RNF7: variants seen among roughly 807,000 people sequenced by gnomAD.
RNF7 encodes the protein RING-box protein 2.
Under a neutral mutation model 17.0 loss-of-function variants are expected in RNF7, and 9 were observed. The observed-to-expected ratio is 0.53, with a 90% CI of 0.32 to 0.92. RNF7 has a LOEUF of 0.92. Ranked by LOEUF, RNF7 falls within the 40% of genes least tolerant of loss-of-function variation. The pLI, the probability that RNF7 is intolerant of heterozygous loss-of-function variation, is 0.04. For synonymous variants in RNF7, 59 were observed against 50.5 expected (o/e 1.17, Z -0.72); for missense variants, 87 against 145.8 (o/e 0.60, Z 2.08).
chr3:141,744,961 G>T (rs17195449), intron 2 of RNF7, among the ~76,000 whole-genome samples, 198 bp from the exon 3 acceptor site: 7,665 of 152,160 alleles, frequency 0.05, 258 homozygotes, highest in South Asian at 0.13. Flanking sequence ...TGATGGAAAG[G>T]CTCTCAAACA....
At chr3:141,741,789 G>A (rs2084420082) in intron 1 of RNF7, among the ~76,000 whole-genome samples, 1 of 151,532 alleles carries the variant, frequency 6.6e-6, no homozygotes, top group African/African-American at 2.4e-5. Flanking sequence ...TAAGCTCACT[G>A]GGCATGCTCA....
At chr3:141,743,662 CTG>C in intron 2 of RNF7, 106 bp downstream of exon 2, 4 of 828,890 alleles carry the variant, frequency 4.8e-6, no homozygotes, top group Non-Finnish European at 5.9e-6. Flanking sequence ...CAAAAATAAA[CTG>C]TAAAGCAGTG....
In RNF7 at chr3:141,741,395, T is replaced by G. The variant is rs542965849; in HGVS notation, c.176-2114T>G. 6.8e-4 allele frequency among the ~76,000 whole-genome samples: 103 copies of G among 152,306 alleles called. 1 individual carries two copies. The highest frequency in any genetic ancestry group is 6.8e-3 in the Middle Eastern group (2 of 294). On this transcript the variant is annotated intron_variant, in intron 1 of 2. Coordinates refer to ENST00000273480, the MANE Select transcript of RNF7 (RefSeq NM_014245.5). ...TGAAGAAAACCTCAGGAGGCAGTGG[T>G]TGTTTTTAATCCACACTGAAGAGAC...
chr3:141,744,051 TAGG>T (rs1445398284), intron 2 of RNF7, among the ~76,000 whole-genome samples: 67 of 152,328 alleles, frequency 4.4e-4, no homozygotes, highest in African/African-American at 1.5e-3. Flanking sequence ...AAAGTTGTCG[TAGG>T]CTAAATATTT....
chr3:141,740,644 T>C (rs1193765737), intron 1 of RNF7, among the ~76,000 whole-genome samples: 3 of 152,214 alleles, frequency 2.0e-5, no homozygotes, highest in Admixed American at 6.5e-5. Flanking sequence ...TTTTCCAGAC[T>C]TCCTAGTCCT....
At chr3:141,741,546 T>C (rs1175754508) in intron 1 of RNF7, among the ~76,000 whole-genome samples, 1 of 152,240 alleles carries the variant, frequency 6.6e-6, no homozygotes, top group Non-Finnish European at 1.5e-5. Context: ...TACAGAATTA[T>C]TTTTCTCCTA....
chr3:141,743,005 T>G lies in RNF7; in HGVS notation c.176-504T>G, dbSNP rs6769676. ...TCATATAGTTCAGAAATTGAGGAAG[T>G]TATGTATATTACCTGGAAGAGTGAA... On this transcript the variant is annotated intron_variant, in intron 1 of 2. Transcript: ENST00000273480. The G allele has an allele frequency of 0.29, 195,279 of 667,622 alleles. 33,734 individuals are homozygous for G. Among genetic ancestry groups the G allele is most frequent in the African/African-American group, 0.73 (37,064 of 51,008 alleles). 41.4% of individuals were successfully genotyped at this position (667,622 alleles called of 1,614,324 possible). A position where few individuals can be genotyped will look rare whatever the true frequency, so the allele number is the denominator to read the frequency against.
intron 1 of RNF7, among the ~76,000 whole-genome samples, chr3:141,742,383 C>T (rs1382775599): frequency 1.3e-5 from 2 of 151,902 alleles, no homozygotes; most frequent in Non-Finnish European, 2.9e-5. Flanking sequence ...CCCACCACCA[C>T]GCCCGGCTAA....
chr3:141,745,506 C>A lies in RNF7; in HGVS notation c.*229C>A, dbSNP rs1471887806. ...ATTTATTAAAGGTGGTCCTTCCTACCTCTGTGGTGTGTGTCGCGCACACAG... is the reference window on the plus strand; with the variant it reads ...ATTTATTAAAGGTGGTCCTTCCTACATCTGTGGTGTGTGTCGCGCACACAG... On this transcript the variant is annotated 3_prime_UTR_variant, in exon 3 of 3. Transcript: ENST00000273480. 7 of 317,290 alleles carry A rather than the reference C, an allele frequency of 2.2e-5. No homozygotes were observed. The highest frequency in any genetic ancestry group is 4.2e-5 in the Non-Finnish European group (7 of 167,588). 19.7% of individuals were successfully genotyped at this position (317,290 alleles called of 1,614,324 possible). A position where few individuals can be genotyped will look rare whatever the true frequency, so the allele number is the denominator to read the frequency against.
intron 1 of RNF7, among the ~76,000 whole-genome samples, chr3:141,739,143 G>A (rs759996161): frequency 1.3e-5 from 2 of 152,198 alleles, no homozygotes; most frequent in Non-Finnish European, 2.9e-5. Flanking sequence ...TAGCACTAGC[G>A]TGGCTTGAAG....
intron 1 of RNF7, among the ~76,000 whole-genome samples, chr3:141,739,793 T>C (rs748299138): frequency 8.5e-5 from 13 of 152,208 alleles, no homozygotes; most frequent in Non-Finnish European, 1.3e-4. Context: ...ATGACCCACT[T>C]ATTTTACATG....
At chr3:141,743,789 T>C (rs540750435) in intron 2 of RNF7, among the ~76,000 whole-genome samples, 185 of 152,324 alleles carry the variant, frequency 1.2e-3, no homozygotes, top group Non-Finnish European at 2.3e-3. Context: ...GACATGGTCA[T>C]AATAAACATT....
chr3:141,742,719 G>T (rs999949429), intron 1 of RNF7: 1 of 1,257,130 alleles, frequency 8.0e-7, no homozygotes, highest in Non-Finnish European at 1.0e-6. Context: ...TTTGACTGTA[G>T]ATCTGGCTCC....
chr3:141,745,117 A>T, intron 2 of RNF7, 42 bp from the exon 3 acceptor site: 1 of 1,317,654 alleles, frequency 7.6e-7, no homozygotes, highest in Non-Finnish European at 1.1e-6. Context: ...CAGTGTTTAA[A>T]TTGAAATATG....
intron 1 of RNF7, among the ~76,000 whole-genome samples, chr3:141,738,973 C>T (rs1238944479): frequency 6.6e-6 from 1 of 152,192 alleles, no homozygotes; most frequent in African/African-American, 2.4e-5. Context: ...TAGTCTTGGT[C>T]ACCACCAAAG....
At position 141,738,330 on chromosome 3, in the gene RNF7, C is replaced by T. The variant is rs2084377154; in HGVS notation, c.-12C>T. On this transcript the variant is annotated 5_prime_UTR_variant, in exon 1 of 3. Coordinates refer to ENST00000273480, the MANE Select transcript of RNF7 (RefSeq NM_014245.5). ...AAGCCAACGTCTCCGCCGTCGGCTC[C>T]GCGGCGCCGCCATGGCCGACGTGGA... 1.9e-6 allele frequency: 3 copies of T among 1,554,410 alleles called. No homozygotes were observed. The highest frequency in any genetic ancestry group is 1.8e-4 in the Middle Eastern group (1 of 5,450).
At chr3:141,743,670 C>A in intron 2 of RNF7, 114 bp downstream of exon 2, 1 of 728,420 alleles carries the variant, frequency 1.4e-6, no homozygotes. Context: ...AACTGTAAAG[C>A]AGTGATCCAT....
intron 2 of RNF7, 89 bp downstream of exon 2, chr3:141,743,645 C>A: frequency 1.1e-6 from 1 of 943,828 alleles, no homozygotes; most frequent in Non-Finnish European, 1.7e-6. Context: ...TTGACTTTAT[C>A]AATACACAAA....
chr3:141,744,600 T>C (rs1290182959), intron 2 of RNF7, among the ~76,000 whole-genome samples: 2 of 152,232 alleles, frequency 1.3e-5, no homozygotes, highest in Admixed American at 1.3e-4. Context: ...CCAGCCACTT[T>C]GAAAATTTCA....
Sources: gnomAD v4.1 joint callset for allele counts (sites outside exome capture counted in the v4.1 genomes callset) on GRCh38, gnomAD v4.1.1 for gene constraint, MANE v1.5 for transcripts, NCBI Gene and HGNC (gene_info 2026-07-23, HGNC 2026-07-21) for gene names.